Variants in GIGYF2 observed in about 807,000 individuals in gnomAD.
GIGYF2 encodes the protein GRB10-interacting GYF protein 2.
Under a neutral mutation model 208.1 loss-of-function variants are expected in GIGYF2, and 25 were observed. The ratio of observed to expected loss-of-function variants is 0.12; its 90% CI spans 0.09 to 0.17. GIGYF2 has a LOEUF of 0.17. Among genes scored for constraint, GIGYF2 ranks in the 10% least tolerant of loss-of-function variants. GIGYF2 has a pLI of 1.00. For missense variants in GIGYF2, 1,302 were observed against 1,579.4 expected (o/e 0.82, Z 2.98); for synonymous variants, 534 against 543.8 (o/e 0.98, Z 0.25).
chr2:232,744,359 A>G (rs1698070978), intron 3 of GIGYF2, among the ~76,000 whole-genome samples: 1 of 152,192 alleles, frequency 6.6e-6, no homozygotes, highest in Admixed American at 6.5e-5. Flanking sequence ...TTTTCATTTG[A>G]AAGAGTGCTT....
chr2:232,848,333 T>A (rs1702086465), intron 27 of GIGYF2, among the ~76,000 whole-genome samples: 1 of 152,210 alleles, frequency 6.6e-6, no homozygotes, highest in Non-Finnish European at 1.5e-5. Flanking sequence ...TTCAGCACTA[T>A]AGTTGAGGGC....
intron 8 of GIGYF2, among the ~76,000 whole-genome samples, chr2:232,774,807 T>A (rs1486060170): frequency 3.3e-5 from 5 of 152,192 alleles, no homozygotes; most frequent in Admixed American, 3.3e-4. Context: ...ACTCCATGAT[T>A]CTTTTGTATT....
At chr2:232,837,821 G>A (rs1483166902) in intron 22 of GIGYF2, among the ~76,000 whole-genome samples, 1 of 152,166 alleles carries the variant, frequency 6.6e-6, no homozygotes, top group East Asian at 1.9e-4. Flanking sequence ...GCAGGTCCAC[G>A]CAGCTCCTCA....
At chr2:232,825,489 G>A (rs1455497183) in intron 21 of GIGYF2, among the ~76,000 whole-genome samples, 1 of 152,196 alleles carries the variant, frequency 6.6e-6, no homozygotes, top group African/African-American at 2.4e-5. Flanking sequence ...GAATTCAGAA[G>A]TAGAGCCTGA....
At chr2:232,845,605 G>T in intron 25 of GIGYF2, 127 bp from the exon 26 acceptor site, 1 of 829,948 alleles carries the variant, frequency 1.2e-6, no homozygotes, top group Admixed American at 2.2e-5. Flanking sequence ...TTCTTTTTTG[G>T]AGCCAAGCAT....
intron 3 of GIGYF2, among the ~76,000 whole-genome samples, chr2:232,746,281 C>T (rs34418122): frequency 0.028 from 4,216 of 151,904 alleles, 104 homozygotes; most frequent in Non-Finnish European, 0.04. Flanking sequence ...ACTATGCATA[C>T]GCTATTTTTA....
At chr2:232,843,940 A>G in intron 23 of GIGYF2, 106 bp from the exon 24 acceptor site, 1 of 994,606 alleles carries the variant, frequency 1.0e-6, no homozygotes, top group Non-Finnish European at 1.6e-6. Context: ...CATCAAGTTA[A>G]TTTTATGTAG....
intron 2 of GIGYF2, among the ~76,000 whole-genome samples, chr2:232,730,517 A>G (rs1056787556): frequency 6.6e-6 from 1 of 151,504 alleles, no homozygotes; most frequent in African/African-American, 2.4e-5. Context: ...AGGCAGGACA[A>G]TCACTTGAAC....
intron 3 of GIGYF2, among the ~76,000 whole-genome samples, chr2:232,738,575 A>G (rs1180270529): frequency 6.6e-6 from 1 of 152,198 alleles, no homozygotes; most frequent in Non-Finnish European, 1.5e-5. Flanking sequence ...TGTGAGCTCC[A>G]TTGAGGGCAG....
At chr2:232,836,511 G>A (rs4036954) in intron 22 of GIGYF2, among the ~76,000 whole-genome samples, 130,793 of 134,436 alleles carry the variant, frequency 0.97, 63,662 homozygotes, top group East Asian at 1. Context: ...GGTTATAGTG[G>A]GCCAAAATCA....
chr2:232,706,704 T>A (rs116275755), intron 2 of GIGYF2, among the ~76,000 whole-genome samples: 1,875 of 152,068 alleles, frequency 0.012, 46 homozygotes, highest in African/African-American at 0.043. Flanking sequence ...CTCTTGAACA[T>A]GAGAGGTGGA....
intron 3 of GIGYF2, among the ~76,000 whole-genome samples, chr2:232,747,318 C>T (rs541476956): frequency 6.6e-6 from 1 of 152,140 alleles, no homozygotes; most frequent in African/African-American, 2.4e-5. Flanking sequence ...TCATATGCGC[C>T]TTTTAAAATT....
At chr2:232,830,433 A>T (rs1701395235) in intron 21 of GIGYF2, among the ~76,000 whole-genome samples, 1 of 150,008 alleles carries the variant, frequency 6.7e-6, no homozygotes, top group South Asian at 2.1e-4. Flanking sequence ...TAAGACATAG[A>T]TTTTTTTTTT....
At chr2:232,855,080 C>CTTTTT (rs201395041) in intron 28 of GIGYF2, among the ~76,000 whole-genome samples, 91 of 109,160 alleles carry the variant, frequency 8.3e-4, no homozygotes, top group South Asian at 1.9e-3. Context: ...CTTTTTCTTT[C>CTTTTT]TTTTTTTTTT....
intron 28 of GIGYF2, among the ~76,000 whole-genome samples, chr2:232,855,080 CTTTTTT>C (rs201395041): frequency 2.7e-5 from 3 of 109,188 alleles, no homozygotes; most frequent in Non-Finnish European, 5.3e-5. Context: ...CTTTTTCTTT[CTTTTTT>C]TTTTTTTTTT....
chr2:232,740,325 T>G lies in GIGYF2; in HGVS notation c.41+5087T>G, dbSNP rs148441871. ...AAAAACAAAAAGAAGACTACCCAGA[T>G]AAGTCTAGATAAGGACTTTATTATA... On this transcript the variant is annotated intron_variant, in intron 3 of 28. Coordinates refer to ENST00000373563, the MANE Select transcript of GIGYF2 (RefSeq NM_001103146.3). Among the ~76,000 whole-genome samples, 637 of 152,240 alleles carry G rather than the reference T, an allele frequency of 4.2e-3. 2 individuals carry two copies. The highest frequency in any genetic ancestry group is 0.015 in the African/African-American group (614 of 41,540).
rs1700934987 is a variant in GIGYF2 at position 232,816,983 on chromosome 2, A to G, written c.2321A>G (p.Glu774Gly). 1.2e-6 allele frequency: 2 copies of G among 1,613,708 alleles called. No homozygotes were observed. Among genetic ancestry groups the G allele is most frequent in the South Asian group, 1.1e-5 (1 of 91,076 alleles). The change falls in exon 20 of 29, where the codon GAA becomes GGA. Residue 774 changes from glutamate (E) to glycine (G), a missense_variant. Coordinates refer to ENST00000373563, the MANE Select transcript of GIGYF2 (RefSeq NM_001103146.3). ...GAGGAAATTCTTCGGCGACAGCAGGAAGAAGAAAGGAAAAGGCGAGAGGAA... is the reference window on the plus strand; with the variant it reads ...GAGGAAATTCTTCGGCGACAGCAGGGAGAAGAAAGGAAAAGGCGAGAGGAA... ...QQEEILRRQQ[E>G]EERKRREEEE...
rs1020473832 is a variant in GIGYF2 at position 232,770,882 on chromosome 2, T to A, written c.532+9446T>A. Reference sequence around the variant, plus strand: ...GTTTTGTTTTTGTTTTTGTTTTTTTTAAGAACAAAGACAAAATTACCTGTG... The same window carrying A: ...GTTTTGTTTTTGTTTTTGTTTTTTTAAAGAACAAAGACAAAATTACCTGTG... On this transcript the variant is annotated intron_variant, in intron 8 of 28. Transcript: ENST00000373563. 4.4e-6 allele frequency: 7 copies of A among 1,577,676 alleles called. No individual in the cohort carries two copies. The South Asian group carries it at 4.4e-5, about 10-fold the overall frequency.
chr2:232,747,057 CTG>C (rs1307090861), intron 3 of GIGYF2, among the ~76,000 whole-genome samples: 5 of 152,114 alleles, frequency 3.3e-5, no homozygotes, highest in Admixed American at 6.6e-5. Flanking sequence ...TTACTATAGG[CTG>C]TGTTTTGATT....
Sources: gnomAD v4.1 joint callset for allele counts (sites outside exome capture counted in the v4.1 genomes callset) on GRCh38, gnomAD v4.1.1 for gene constraint, MANE v1.5 for transcripts, NCBI Gene and HGNC (gene_info 2026-07-23, HGNC 2026-07-21) for gene names.